Variants in PHKB observed in about 807,000 individuals in gnomAD.
The protein encoded by PHKB is phosphorylase kinase regulatory subunit beta.
A neutral mutation model predicts 152.1 loss-of-function variants in PHKB; 122 were observed. That is an observed-to-expected ratio of 0.80 (90% confidence interval 0.69 to 0.93). The LOEUF is 0.93. Among genes scored for constraint, PHKB ranks in the 40% least tolerant of loss-of-function variants. PHKB has a pLI of 0.00. For synonymous variants in PHKB, 436 were observed against 464.9 expected, an observed-to-expected ratio of 0.94 and a Z score of 0.80; for missense variants, 1,304 against 1,328.4, an observed-to-expected ratio of 0.98 and a Z score of 0.29.
intron 14 of PHKB, 61 bp from the exon 15 acceptor site, chr16:47,640,974 T>G: frequency 7.1e-7 from 1 of 1,413,976 alleles, no homozygotes; most frequent in East Asian, 2.3e-5. Flanking sequence ...TGTTTCTCAT[T>G]GTAGCTGATG....
intron 13 of PHKB, among the ~76,000 whole-genome samples, chr16:47,597,205 T>C (rs2151702124): frequency 6.6e-6 from 1 of 152,290 alleles, no homozygotes; most frequent in Admixed American, 6.5e-5. Flanking sequence ...TATGGCAAAA[T>C]ATATTGAAAT....
chr16:47,470,481 A>G (rs1969746614), intron 1 of PHKB, among the ~76,000 whole-genome samples: 1 of 152,190 alleles, frequency 6.6e-6, no homozygotes, highest in Non-Finnish European at 1.5e-5. Flanking sequence ...AGTGGGCGTT[A>G]TGGCCATCAT....
intron 1 of PHKB, among the ~76,000 whole-genome samples, chr16:47,481,874 GT>G (rs1290353794): frequency 6.6e-6 from 1 of 152,148 alleles, no homozygotes; most frequent in Non-Finnish European, 1.5e-5. Context: ...AACGCTTGTT[GT>G]TTCCATGACC....
At chr16:47,633,748 A>C (rs1428130322) in intron 14 of PHKB, among the ~76,000 whole-genome samples, 1 of 152,224 alleles carries the variant, frequency 6.6e-6, no homozygotes, top group Admixed American at 6.5e-5. Context: ...CCAACAGGGA[A>C]CAGCAGGTAG....
intron 1 of PHKB, among the ~76,000 whole-genome samples, chr16:47,470,213 C>T (rs1567269180): frequency 6.6e-6 from 1 of 152,104 alleles, no homozygotes; most frequent in African/African-American, 2.4e-5. Flanking sequence ...GATTTACCCA[C>T]GTATTTATTC....
chr16:47,511,800 C>G (rs765317874), intron 5 of PHKB, 28 bp downstream of exon 5: 3 of 1,339,920 alleles, frequency 2.2e-6, no homozygotes, highest in South Asian at 2.3e-5. Flanking sequence ...ATTTTATTCT[C>G]CTTATATTAT....
chr16:47,484,061 A>G (rs1421356656), intron 1 of PHKB, among the ~76,000 whole-genome samples: 3 of 152,204 alleles, frequency 2.0e-5, no homozygotes, highest in East Asian at 1.9e-4. Context: ...ATACAAAATC[A>G]TAGTATATTA....
At chr16:47,515,653 A>ATT (rs531488127) in intron 6 of PHKB, 52 bp downstream of exon 6, 12 of 631,584 alleles carry the variant, frequency 1.9e-5, no homozygotes, top group East Asian at 6.3e-5. Flanking sequence ...GAAAATATCT[A>ATT]TTTTTTTTTT....
intron 10 of PHKB, 148 bp from the exon 11 acceptor site, chr16:47,593,352 A>G: frequency 1.7e-6 from 1 of 575,974 alleles, no homozygotes; most frequent in South Asian, 2.1e-5. Context: ...AGGAAAAAGG[A>G]TCCCTTGAGC....
At chr16:47,515,286 C>A (rs1414305970) in intron 5 of PHKB, among the ~76,000 whole-genome samples, 1 of 152,078 alleles carries the variant, frequency 6.6e-6, no homozygotes, top group Non-Finnish European at 1.5e-5. Context: ...TATTTGAAGC[C>A]GTTTCCCTAA....
At chr16:47,591,970 A>G (rs762465135) in intron 10 of PHKB, among the ~76,000 whole-genome samples, 2 of 152,124 alleles carry the variant, frequency 1.3e-5, no homozygotes, top group Non-Finnish European at 2.9e-5. Context: ...TCCAGGAGAC[A>G]TTTGACAATG....
At chr16:47,587,893 G>T in intron 9 of PHKB, 130 bp downstream of exon 9, 1 of 757,918 alleles carries the variant, frequency 1.3e-6, no homozygotes, top group South Asian at 1.5e-5. Context: ...GGACATGATA[G>T]ATATTGCCCC....
intron 16 of PHKB, among the ~76,000 whole-genome samples, chr16:47,646,741 T>C (rs1056767184): frequency 5.9e-5 from 9 of 151,964 alleles, no homozygotes; most frequent in Non-Finnish European, 1.3e-4. Context: ...TGTAAATTGG[T>C]ACATTATTTC....
intron 6 of PHKB, among the ~76,000 whole-genome samples, chr16:47,538,723 G>T (rs1483366983): frequency 6.6e-6 from 1 of 152,128 alleles, no homozygotes; most frequent in Admixed American, 6.6e-5. Context: ...TTTCCTGGAG[G>T]CCCTAGAAAA....
intron 6 of PHKB, among the ~76,000 whole-genome samples, chr16:47,515,850 C>T (rs1356264107): frequency 6.6e-6 from 1 of 151,796 alleles, no homozygotes; most frequent in Non-Finnish European, 1.5e-5. Context: ...TTCAGGTGAT[C>T]TAAAATAAAA....
intron 6 of PHKB, among the ~76,000 whole-genome samples, chr16:47,532,398 G>T (rs1970876604): frequency 6.6e-6 from 1 of 152,172 alleles, no homozygotes; most frequent in East Asian, 1.9e-4. Flanking sequence ...AGAAACCTCT[G>T]TGGCCAGTGG....
At position 47,674,326 on chromosome 16, in the gene PHKB, C is replaced by T. The variant is rs562483615; in HGVS notation, c.2630+4909C>T. ...GAAAATGGGATGATTCTAAGTTGGC[C>T]GCTTGTATACTACAGTAGATATATT... is the stretch of plus-strand genomic sequence containing the variant. On this transcript the variant is annotated intron_variant, in intron 26 of 30. Coordinates refer to ENST00000323584, the MANE Select transcript of PHKB (RefSeq NM_000293.3). Among the ~76,000 whole-genome samples the T allele has an allele frequency of 2.6e-5, 4 of 152,090 alleles. No homozygotes were observed. The South Asian group carries it at 6.2e-4, about 24-fold the overall frequency.
chr16:47,510,273 A>G lies in PHKB; in HGVS notation c.406-1392A>G, dbSNP rs1347180741. On this transcript the variant is annotated intron_variant, in intron 4 of 30. Coordinates refer to ENST00000323584, the MANE Select transcript of PHKB (RefSeq NM_000293.3). ...TTAAATCACTGGCTATTGGTGATTG[A>G]CTCAATCACCAGCTTTTCCTTTCTG... Among the ~76,000 whole-genome samples the G allele has an allele frequency of 4.6e-5, 7 of 152,038 alleles. No individual in the cohort carries two copies. The East Asian group carries it at 7.7e-4, about 17-fold the overall frequency.
At chr16:47,478,895 G>A (rs1969916954) in intron 1 of PHKB, among the ~76,000 whole-genome samples, 1 of 152,114 alleles carries the variant, frequency 6.6e-6, no homozygotes, top group Non-Finnish European at 1.5e-5. Flanking sequence ...ATAAAGAAAT[G>A]ACCTTGTCCA....
Sources: gnomAD v4.1 joint callset for allele counts (sites outside exome capture counted in the v4.1 genomes callset) on GRCh38, gnomAD v4.1.1 for gene constraint, MANE v1.5 for transcripts, NCBI Gene and HGNC (gene_info 2026-07-23, HGNC 2026-07-21) for gene names.